Variants in FGFR1 observed in about 807,000 individuals in gnomAD.
FGFR1 encodes FGFR1/PLAG1 fusion.
In FGFR1, 18 loss-of-function variants were observed where a neutral mutation model predicts 93.7. The ratio of observed to expected loss-of-function variants is 0.19; its 90% CI spans 0.13 to 0.28. FGFR1 has a LOEUF of 0.28. FGFR1 is among the 10% of genes least tolerant of loss of function. FGFR1 has a pLI of 1.00. For missense variants in FGFR1, 731 were observed against 1,080.4 expected (o/e 0.68, Z 4.53); for synonymous variants, 448 against 429.3 (o/e 1.04, Z -0.54).
chr8:38,412,295 C>T lies in FGFR1; in HGVS notation c.*1333G>A, dbSNP rs968458430. ...AAACTCCTGACCTGAAGTGATCTGC[C>T]CACCTCGGTGTCCCAAAGTGCTGGG... On this transcript the variant is annotated 3_prime_UTR_variant, in exon 18 of 18. Transcript: ENST00000447712. 3 of 224,830 alleles carry T rather than the reference C, an allele frequency of 1.3e-5. No individual in the cohort carries two copies. The highest frequency in any genetic ancestry group is 6.7e-5 in the African/African-American group (3 of 44,828). The allele number at this position is 224,830 out of a possible 1,614,324, so 13.9% of individuals were successfully genotyped here.
At chr8:38,419,501 G>A (rs375271355) in intron 9 of FGFR1, 32 bp downstream of exon 9, 138 of 1,584,486 alleles carry the variant, frequency 8.7e-5, no homozygotes, top group Non-Finnish European at 1.1e-4. Flanking sequence ...GAGAGAGGTG[G>A]TGCTGAGTGT....
intron 5 of FGFR1, among the ~76,000 whole-genome samples, 163 bp downstream of exon 5, chr8:38,427,758 A>C (rs572159677): frequency 9.8e-5 from 15 of 152,342 alleles, no homozygotes; most frequent in Admixed American, 5.9e-4. Context: ...GACTGAAGAA[A>C]TGTTTAAACT....
At chr8:38,427,818 G>A (rs1025939535) in intron 5 of FGFR1, 103 bp downstream of exon 5, 2 of 1,284,116 alleles carry the variant, frequency 1.6e-6, no homozygotes, top group Admixed American at 1.7e-5. Flanking sequence ...ACCTGTATAG[G>A]TGGAAAGTAT....
At chr8:38,444,201 C>G (rs1205783507) in intron 2 of FGFR1, among the ~76,000 whole-genome samples, 1 of 151,796 alleles carries the variant, frequency 6.6e-6, no homozygotes. Flanking sequence ...CCTATGAAAT[C>G]TAAAAATCTG....
At chr8:38,438,485 G>T (rs574877189) in intron 2 of FGFR1, among the ~76,000 whole-genome samples, 85 of 150,844 alleles carry the variant, frequency 5.6e-4, no homozygotes, top group African/African-American at 2.0e-3. Flanking sequence ...AGAGGTTGCA[G>T]TGAACCGAAA....
intron 2 of FGFR1, among the ~76,000 whole-genome samples, chr8:38,441,627 T>C (rs2151124380): frequency 6.6e-6 from 1 of 152,324 alleles, no homozygotes; most frequent in South Asian, 2.1e-4. Flanking sequence ...GGAAGTTCAT[T>C]CACTCATCCA....
At chr8:38,415,548 C>T (rs975215156) in intron 13 of FGFR1, among the ~76,000 whole-genome samples, 20 of 151,924 alleles carry the variant, frequency 1.3e-4, no homozygotes, top group African/African-American at 4.1e-4. Flanking sequence ...GCAATCCTCC[C>T]GCCTTGGCCA....
chr8:38,461,016 G>A (rs2151423469), intron 1 of FGFR1: 1 of 1,505,208 alleles, frequency 6.6e-7, no homozygotes, highest in Non-Finnish European at 8.9e-7. Context: ...ATTCATGCCT[G>A]CATGCAGAGG....
chr8:38,436,637 C>G (rs1416323497), intron 2 of FGFR1, among the ~76,000 whole-genome samples: 1 of 151,864 alleles, frequency 6.6e-6, no homozygotes, highest in Non-Finnish European at 1.5e-5. Flanking sequence ...TCAAACCTAC[C>G]CTGCTTCTCT....
chr8:38,429,609 TCCTCTG>T lies in FGFR1; in HGVS notation c.358+67_358+72del. 1 of 1,493,054 alleles carries T rather than the reference TCCTCTG, an allele frequency of 6.7e-7. No individual in the cohort carries two copies. Among genetic ancestry groups the T allele is most frequent in the Non-Finnish European group, 9.1e-7 (1 of 1,101,896 alleles). 92.5% of individuals were successfully genotyped at this position (1,493,054 alleles called of 1,614,324 possible). On this transcript the variant is annotated intron_variant, in intron 3 of 17. Coordinates refer to ENST00000447712, the MANE Select transcript of FGFR1 (RefSeq NM_023110.3). The surrounding 1 kb of genome is among the most constrained non-coding windows in gnomAD (Gnocchi z 4.4). ...TCACGGAGGGGGAGGAGGTTCACCT[TCCTCTG>T]AAACTGGCAGAGAGGGCTGGAGGGG...
At position 38,427,477 on chromosome 8, in the gene FGFR1, G is replaced by A. The variant is rs17175919; in HGVS notation, c.621+444C>T. On this transcript the variant is annotated intron_variant, in intron 5 of 17. Transcript: ENST00000447712. ...GTATTTTTAGTACAGAGGAGGTTTCGCCATGTTGCCCAGGCTGGTCTCGAA... is the reference window on the plus strand; with the variant it reads ...GTATTTTTAGTACAGAGGAGGTTTCACCATGTTGCCCAGGCTGGTCTCGAA... Among the ~76,000 whole-genome samples, 649 of 152,212 alleles carry A rather than the reference G, an allele frequency of 4.3e-3. 6 individuals carry two copies. The highest frequency in any genetic ancestry group is 9.7e-3 in the African/African-American group (401 of 41,532).
chr8:38,418,653 T>C (rs1441602541), intron 9 of FGFR1: 3 of 505,114 alleles, frequency 5.9e-6, no homozygotes, highest in Non-Finnish European at 1.1e-5. Flanking sequence ...AACTGATCAT[T>C]GCAGTAACAA....
chr8:38,422,958 G>C (rs1003138243), intron 7 of FGFR1: 1 of 758,634 alleles, frequency 1.3e-6, no homozygotes. Flanking sequence ...TGGCTTCCCC[G>C]CCTGCCCCAG....
chr8:38,417,227 G>A (rs1425479585), intron 12 of FGFR1, 79 bp downstream of exon 12: 2 of 1,107,870 alleles, frequency 1.8e-6, no homozygotes, highest in African/African-American at 1.5e-5. Context: ...AGCTGTGGCT[G>A]AGAGAGGCCT....
chr8:38,424,959 T>C lies in FGFR1; in HGVS notation c.746-260A>G, dbSNP rs535381235. Among the ~76,000 whole-genome samples the C allele has an allele frequency of 6.6e-6, 1 of 152,288 alleles. No individual in the cohort carries two copies. The highest frequency in any genetic ancestry group is 2.4e-5 in the African/African-American group (1 of 41,554). On this transcript the variant is annotated intron_variant, in intron 6 of 17. Transcript: ENST00000447712. This position sits in a 1 kb window ranked among gnomAD's most constrained non-coding sequence, Gnocchi z 4.3. ...GTCGCTCATGCTTTAATGGAGAACCTTCTAATTCAGTTGCACCCCCAGACC... is the reference window on the plus strand; with the variant it reads ...GTCGCTCATGCTTTAATGGAGAACCCTCTAATTCAGTTGCACCCCCAGACC...
chr8:38,431,090 T>C (rs895460958), intron 2 of FGFR1, among the ~76,000 whole-genome samples: 4 of 152,202 alleles, frequency 2.6e-5, no homozygotes, highest in Non-Finnish European at 1.5e-5. Context: ...TTTCTCACCA[T>C]TTGTTCACCC....
chr8:38,448,693 G>A (rs1445209302), intron 2 of FGFR1, among the ~76,000 whole-genome samples: 2 of 152,164 alleles, frequency 1.3e-5, no homozygotes, highest in Non-Finnish European at 2.9e-5. Flanking sequence ...GGTGGCTCAC[G>A]CCTGTAATCC....
At chr8:38,463,452 T>C (rs1468245431) in intron 1 of FGFR1, 5 of 207,334 alleles carry the variant, frequency 2.4e-5, no homozygotes, top group Non-Finnish European at 4.9e-5. Context: ...TATTATATGA[T>C]TGTTATTTAT....
chr8:38,427,122 T>A lies in FGFR1; in HGVS notation c.621+799A>T, dbSNP rs866460095. On this transcript the variant is annotated intron_variant, in intron 5 of 17. Transcript: ENST00000447712. The stretch of plus-strand genomic sequence containing the variant: ...ACTCCGTCTAAAAAAAAAAAAAAAA[T>A]GCTTACACCCTTTAAGTTAGTAATT... Among the ~76,000 whole-genome samples, 933 of 141,524 alleles carry A rather than the reference T, an allele frequency of 6.6e-3. 6 individuals carry two copies. Among genetic ancestry groups the A allele is most frequent in the African/African-American group, 0.022 (846 of 38,502 alleles). 92.8% of individuals were successfully genotyped at this position (141,524 alleles called of 152,430 possible).
Sources: gnomAD v4.1 joint callset for allele counts (sites outside exome capture counted in the v4.1 genomes callset) on GRCh38, gnomAD v4.1.1 for gene constraint, Gnocchi (gnomAD v3.1) non-coding constraint, MANE v1.5 for transcripts, NCBI Gene and HGNC (gene_info 2026-07-23, HGNC 2026-07-21) for gene names.